Variants in LIN28B observed in about 807,000 individuals in gnomAD.
The protein encoded by LIN28B is protein lin-28 homolog B.
A neutral mutation model predicts 21.9 loss-of-function variants in LIN28B; 5 were observed. The observed-to-expected ratio is 0.23, with a 90% confidence interval of 0.12 to 0.48. The LOEUF (loss-of-function observed/expected upper bound fraction) is 0.48, where lower values mean the gene tolerates loss of function less well. Among genes scored for constraint, LIN28B ranks in the 20% least tolerant of loss-of-function variants. The pLI, the probability that LIN28B is intolerant of heterozygous loss-of-function variation, is 0.98. For missense variants in LIN28B, 245 were observed against 310.5 expected (o/e 0.79, Z 1.58); for synonymous variants, 109 against 111.3 (o/e 0.98, Z 0.13).
At chr6:105,032,983 G>C (rs1771454709) in intron 3 of LIN28B, among the ~76,000 whole-genome samples, 1 of 151,972 alleles carries the variant, frequency 6.6e-6, no homozygotes, top group African/African-American at 2.4e-5. Flanking sequence ...TTTTCTCCCT[G>C]ACTGTGGCTT....
intron 2 of LIN28B, among the ~76,000 whole-genome samples, chr6:105,003,973 A>G (rs1375331371): frequency 6.6e-6 from 1 of 152,202 alleles, no homozygotes; most frequent in Non-Finnish European, 1.5e-5. Context: ...ATTAAATCAC[A>G]CAATCACAAG....
At chr6:105,074,856 C>G (rs954128753) in intron 3 of LIN28B, among the ~76,000 whole-genome samples, 3 of 152,100 alleles carry the variant, frequency 2.0e-5, no homozygotes, top group Non-Finnish European at 4.4e-5. Context: ...CAGGTGTGCC[C>G]CGCCACACCT....
chr6:105,045,154 T>C (rs1271660967), intron 3 of LIN28B, among the ~76,000 whole-genome samples: 2 of 152,122 alleles, frequency 1.3e-5, no homozygotes, highest in Non-Finnish European at 2.9e-5. Flanking sequence ...CACTATTTTT[T>C]ATTCTATGTA....
rs76951639 is a variant in LIN28B, at chr6:105,078,899, G to T, written c.*116G>T. 2.1e-3 allele frequency: 2,589 copies of T among 1,234,380 alleles called. 99 individuals are homozygous for T. In the East Asian group the frequency reaches 0.053, roughly 25 times the overall value. The allele number at this position is 1,234,380 out of a possible 1,614,324, so 76.5% of individuals were successfully genotyped here. On this transcript the variant is annotated 3_prime_UTR_variant, in exon 4 of 4. Transcript: ENST00000345080. ...ACCTGGGATTTTAACTACTATTGGG[G>T]AACTGTGAATTTTTTAAACAGACAA... is the stretch of plus-strand genomic sequence containing the variant.
intron 3 of LIN28B, among the ~76,000 whole-genome samples, chr6:105,041,907 G>T (rs1161081255): frequency 6.6e-6 from 1 of 152,114 alleles, no homozygotes; most frequent in Non-Finnish European, 1.5e-5. Context: ...GGTGATGTGG[G>T]AAGAAATCTG....
intron 2 of LIN28B, among the ~76,000 whole-genome samples, chr6:105,023,013 A>C (rs556054350): frequency 6.6e-6 from 1 of 150,648 alleles, no homozygotes; most frequent in African/African-American, 2.4e-5. Context: ...TAATTGGAAA[A>C]ATGGAGAAAC....
intron 2 of LIN28B, among the ~76,000 whole-genome samples, chr6:105,003,777 C>T (rs1319209022): frequency 6.6e-6 from 1 of 152,094 alleles, no homozygotes; most frequent in African/African-American, 2.4e-5. Flanking sequence ...TCCCAAAGTG[C>T]TGGGATTACA....
upstream of LIN28B, chr6:104,957,004 G>T (rs1778299248): frequency 1.0e-5 from 12 of 1,187,898 alleles, no homozygotes; most frequent in Middle Eastern, 2.9e-4. Flanking sequence ...CCTCTTGCCA[G>T]CCCCTTAAGG....
intron 2 of LIN28B, among the ~76,000 whole-genome samples, chr6:105,021,149 T>C (rs182503265): frequency 2.0e-5 from 3 of 152,252 alleles, no homozygotes; most frequent in Admixed American, 2.0e-4. Context: ...CCTGGCTTTT[T>C]TCACTTAAGA....
At chr6:105,032,920 C>CT (rs1379152343) in intron 3 of LIN28B, among the ~76,000 whole-genome samples, 1 of 151,980 alleles carries the variant, frequency 6.6e-6, no homozygotes, top group African/African-American at 2.4e-5. Context: ...TCTTATTGCA[C>CT]TTTAAGAACT....
At chr6:105,073,275 C>G (rs1448555234) in intron 3 of LIN28B, among the ~76,000 whole-genome samples, 1 of 152,032 alleles carries the variant, frequency 6.6e-6, no homozygotes, top group East Asian at 1.9e-4. Context: ...TGGACTGTAC[C>G]AAGGTTTAAA....
At chr6:104,950,453 G>C in intron 2 of LIN28B, 1 of 1,224,758 alleles carries the variant, frequency 8.2e-7, no homozygotes, top group East Asian at 3.2e-5. Flanking sequence ...TGAGCTCTCT[G>C]ATTTTAGGTT....
chr6:105,026,131 T>G (rs1239117447), intron 2 of LIN28B, among the ~76,000 whole-genome samples, 167 bp from the exon 3 acceptor site: 1 of 152,194 alleles, frequency 6.6e-6, no homozygotes, highest in African/African-American at 2.4e-5. Flanking sequence ...CTGCCAGTAT[T>G]GCAAAAAGAA....
At chr6:105,022,176 G>C (rs1771155078) in intron 2 of LIN28B, among the ~76,000 whole-genome samples, 2 of 152,074 alleles carry the variant, frequency 1.3e-5, no homozygotes, top group South Asian at 4.1e-4. Context: ...TATGGAAGAT[G>C]ATGTAGAGTA....
At position 105,081,237 on chromosome 6, in the gene LIN28B, T is replaced by G. The variant is rs1028776717; in HGVS notation, c.*2454T>G. On this transcript the variant is annotated 3_prime_UTR_variant, in exon 4 of 4. Coordinates refer to ENST00000345080, the MANE Select transcript of LIN28B (RefSeq NM_001004317.4). The stretch of plus-strand genomic sequence containing the variant: ...AACTTATACCTTTATATAAGTATTA[T>G]GTACTGATGATAGTAACTACCTCTG... 1 of 152,660 alleles carries G rather than the reference T, an allele frequency of 6.6e-6. No homozygotes were observed. Among genetic ancestry groups the G allele is most frequent in the Non-Finnish European group, 1.5e-5 (1 of 68,042 alleles). The allele number at this position is 152,660 out of a possible 1,614,324, so 9.5% of individuals were successfully genotyped here. A position where few individuals can be genotyped will look rare whatever the true frequency, so the allele number is the denominator to read the frequency against.
intron 2 of LIN28B, among the ~76,000 whole-genome samples, chr6:105,018,719 T>G (rs1189747263): frequency 6.6e-6 from 1 of 152,144 alleles, no homozygotes; most frequent in Non-Finnish European, 1.5e-5. Flanking sequence ...CTTCCTTCCT[T>G]TCTTCCTTCC....
At chr6:105,045,970 T>C (rs933555837) in intron 3 of LIN28B, among the ~76,000 whole-genome samples, 1 of 152,210 alleles carries the variant, frequency 6.6e-6, no homozygotes, top group South Asian at 2.1e-4. Context: ...ATATGATATT[T>C]TTATAGTTAG....
chr6:105,020,107 C>CTTTTTTTTTTTTTTT (rs1158938023), intron 2 of LIN28B, among the ~76,000 whole-genome samples: 3 of 87,610 alleles, frequency 3.4e-5, no homozygotes, highest in African/African-American at 4.7e-5. Flanking sequence ...TCCTGTTATT[C>CTTTTTTTTTTTTTTT]TTTTTTTTTT....
intron 2 of LIN28B, among the ~76,000 whole-genome samples, chr6:104,979,631 A>G (rs541132429): frequency 3.3e-5 from 5 of 151,964 alleles, no homozygotes; most frequent in Non-Finnish European, 7.4e-5. Context: ...TATTTATGCT[A>G]TTAGCTTAAG....
Sources: allele counts gnomAD v4.1 joint callset (sites outside exome capture counted in the v4.1 genomes callset), GRCh38; gene constraint gnomAD v4.1.1; transcripts MANE v1.5; gene names NCBI Gene and HGNC (gene_info 2026-07-23, HGNC 2026-07-21).